The following ARGLU1 variants were observed in gnomAD, a reference collection of about 807,000 sequenced individuals.
ARGLU1 encodes arginine and glutamate-rich protein 1.
In ARGLU1, 9 loss-of-function variants were observed where a neutral mutation model predicts 37.6. The ratio of observed to expected loss-of-function variants is 0.24; its 90% CI spans 0.14 to 0.42. The LOEUF is 0.42. Among genes scored for constraint, ARGLU1 ranks in the 10% least tolerant of loss-of-function variants. The probability of loss-of-function intolerance (pLI) is 1.00; values close to 1 mark genes in which losing one functional copy is unlikely to be tolerated. For missense variants in ARGLU1, 211 were observed against 359.2 expected (o/e 0.59, Z 3.34); for synonymous variants, 166 against 138.5 (o/e 1.20, Z -1.39).
At chr13:106,555,692 A>C (rs180866833) in intron 3 of ARGLU1, among the ~76,000 whole-genome samples, 1 of 152,178 alleles carries the variant, frequency 6.6e-6, no homozygotes, top group South Asian at 2.1e-4. Context: ...ACCGAAAGTC[A>C]TATTTTTTAT....
At chr13:106,563,366 T>C (rs1313310090) in intron 1 of ARGLU1, among the ~76,000 whole-genome samples, 1 of 152,178 alleles carries the variant, frequency 6.6e-6, no homozygotes, top group Admixed American at 6.5e-5. Context: ...ACACTGGATG[T>C]TGCTGAGCTG....
At chr13:106,561,956 C>T (rs1006009523) in intron 1 of ARGLU1, 3 of 152,224 alleles carry the variant, frequency 2.0e-5, no homozygotes, top group Admixed American at 1.3e-4. Flanking sequence ...GGAGTCAATT[C>T]TAACTACAGC....
At chr13:106,559,687 G>A (rs200972418) in intron 1 of ARGLU1, 30 bp from the exon 2 acceptor site, 11 of 1,583,850 alleles carry the variant, frequency 6.9e-6, no homozygotes, top group Non-Finnish European at 8.6e-6. Context: ...AAACAAGTTA[G>A]GTATTTACTT....
Position 106,567,694 on chromosome 13 carries a change from A to G in ARGLU1, c.226T>C (p.Ser76Pro). 6.2e-7 allele frequency: 1 copy of G among 1,604,752 alleles called. No individual in the cohort carries two copies. Among genetic ancestry groups the G allele is most frequent in the Non-Finnish European group, 8.5e-7 (1 of 1,175,418 alleles). ...SRRERDRERA[S>P]SPPDRIDIFG... The stretch of plus-strand genomic sequence containing the variant: ...ATGTCGATGCGGTCGGGCGGGGACG[A>G]GGCGCGCTCCCGGTCCCGCTCGCGC... Residue 76 changes from serine to proline, a missense_variant, in exon 1 of 4, where the codon TCG becomes CCG. This residue lies in a region of ARGLU1 where 130 missense variants were observed against 179.8 expected (regional missense o/e 0.72). Coordinates refer to ENST00000400198, the MANE Select transcript of ARGLU1 (RefSeq NM_018011.4). This position sits in a 1 kb window ranked among gnomAD's most constrained non-coding sequence, Gnocchi z 4.3.
chr13:106,554,614 C>T (rs879682669), intron 3 of ARGLU1, among the ~76,000 whole-genome samples: 6 of 152,138 alleles, frequency 3.9e-5, no homozygotes, highest in Non-Finnish European at 7.4e-5. Context: ...TGGCCGGGCG[C>T]GGTAGCTCAC....
intron 1 of ARGLU1, among the ~76,000 whole-genome samples, chr13:106,561,424 T>TACACACACAC (rs59373729): frequency 2.3e-4 from 34 of 147,966 alleles, no homozygotes; most frequent in African/African-American, 6.5e-4. Context: ...TAATAAAGTG[T>TACACACACAC]ACACACACAC....
intron 1 of ARGLU1, among the ~76,000 whole-genome samples, chr13:106,560,260 C>G (rs1426125599): frequency 6.6e-6 from 1 of 152,078 alleles, no homozygotes; most frequent in Non-Finnish European, 1.5e-5. Context: ...TGTTAATTTT[C>G]AATTAAAAGC....
At chr13:106,559,695 C>A in intron 1 of ARGLU1, 38 bp from the exon 2 acceptor site, 1 of 1,564,306 alleles carries the variant, frequency 6.4e-7, no homozygotes, top group Non-Finnish European at 8.6e-7. Flanking sequence ...TAGGTATTTA[C>A]TTTTAAAACT....
rs1269046218 is a variant in ARGLU1, at chr13:106,567,666, A to T, written c.254T>A (p.Phe85Tyr). 2 of 1,612,830 alleles carry T rather than the reference A, an allele frequency of 1.2e-6. No individual in the cohort carries two copies. The highest frequency in any genetic ancestry group is 1.7e-6 in the Non-Finnish European group (2 of 1,179,482). Residue 85 changes from phenylalanine to tyrosine, a missense_variant, in exon 1 of 4, where the codon TTC becomes TAC. Coordinates refer to ENST00000400198, the MANE Select transcript of ARGLU1 (RefSeq NM_018011.4). The surrounding 1 kb of genome is among the most constrained non-coding windows in gnomAD (Gnocchi z 4.3). ...GCTGCGCTTGCTCACCGTGCGCCCG[A>T]AGATGTCGATGCGGTCGGGCGGGGA... ...ASSPPDRIDI[F>Y]GRTVSKRSSL...
In ARGLU1 at chr13:106,567,952, G is replaced by A. The variant is rs762095590; in HGVS notation, c.-33C>T. The A allele has an allele frequency of 1.9e-6, 3 of 1,563,710 alleles. No individual in the cohort carries two copies. The highest frequency in any genetic ancestry group is 2.6e-6 in the Non-Finnish European group (3 of 1,166,836). On this transcript the variant is annotated 5_prime_UTR_variant, in exon 1 of 4. Transcript: ENST00000400198. The surrounding 1 kb of genome is among the most constrained non-coding windows in gnomAD (Gnocchi z 4.3). ...GGAGACGCTCTAACCGCTCGCCTCA[G>A]GCCCCTCACGCGGCCAGTTCCCCTC... is the stretch of plus-strand genomic sequence containing the variant.
In ARGLU1 at chr13:106,557,123, T is replaced by C; in HGVS notation, c.582A>G (p.Glu194=). Residue 194 remains glutamate (E), a synonymous_variant, in exon 3 of 4, where the codon GAA becomes GAG. Transcript: ENST00000400198. The surrounding 1 kb of genome is among the most constrained non-coding windows in gnomAD (Gnocchi z 5.0). ...LAAQKAREEE[E]RAKREELERI... is the part of the protein sequence containing the mutation. ...GCTCTAGCTCCTCACGTTTTGCACG[T>C]TCTTCCTCCTAAAGGGGAGGATATG... is the stretch of plus-strand genomic sequence containing the variant. 1 of 1,613,478 alleles carries C rather than the reference T, an allele frequency of 6.2e-7. No individual in the cohort carries two copies. The highest frequency in any genetic ancestry group is 2.2e-5 in the East Asian group (1 of 44,850).
chr13:106,557,184 TGATA>T lies in ARGLU1; in HGVS notation c.574-57_574-54del. ...AGAAAAACAAAATGTTTATTTTTAT[TGATA>T]AATATTTACTAATCTTCCTCTGAAC... is the stretch of plus-strand genomic sequence containing the variant. On this transcript the variant is annotated intron_variant, in intron 2 of 3. Transcript: ENST00000400198. The surrounding 1 kb of genome is among the most constrained non-coding windows in gnomAD (Gnocchi z 5.0). 1 of 1,439,162 alleles carries T rather than the reference TGATA, an allele frequency of 6.9e-7. No homozygotes were observed. The highest frequency in any genetic ancestry group is 9.7e-7 in the Non-Finnish European group (1 of 1,030,110). The allele number at this position is 1,439,162 out of a possible 1,614,324, so 89.1% of individuals were successfully genotyped here.
At chr13:106,549,238 C>T (rs1400403646) in intron 3 of ARGLU1, among the ~76,000 whole-genome samples, 2 of 152,204 alleles carry the variant, frequency 1.3e-5, no homozygotes, top group African/African-American at 4.8e-5. Flanking sequence ...TTTTAAAAAT[C>T]CATAGAAATA....
chr13:106,564,929 C>T (rs993443215), intron 1 of ARGLU1, among the ~76,000 whole-genome samples: 3 of 152,176 alleles, frequency 2.0e-5, no homozygotes, highest in African/African-American at 7.2e-5. Flanking sequence ...GTTGCAACAG[C>T]CACACTATAA....
chr13:106,554,480 T>TG (rs112591879), intron 3 of ARGLU1, among the ~76,000 whole-genome samples: 1 of 152,204 alleles, frequency 6.6e-6, no homozygotes, highest in Admixed American at 6.5e-5. Context: ...GCAATAAAAG[T>TG]GGAAGTGGGC....
chr13:106,546,266 T>C (rs772486936), intron 3 of ARGLU1, among the ~76,000 whole-genome samples: 2 of 152,222 alleles, frequency 1.3e-5, no homozygotes, highest in Non-Finnish European at 2.9e-5. Context: ...CACTCTTTCT[T>C]GTTCTCAAAT....
chr13:106,561,231 G>A (rs1035743415), intron 1 of ARGLU1, among the ~76,000 whole-genome samples: 9 of 152,032 alleles, frequency 5.9e-5, no homozygotes, highest in Admixed American at 2.0e-4. Flanking sequence ...GCATATAAAA[G>A]GAAACCAGAC....
rs1415071487 is a variant in ARGLU1 at position 106,543,991 on chromosome 13, G to C, written c.*5C>G. 6.3e-7 allele frequency: 1 copy of C among 1,580,320 alleles called. No homozygotes were observed. Among genetic ancestry groups the C allele is most frequent in the Non-Finnish European group, 8.5e-7 (1 of 1,169,602 alleles). On this transcript the variant is annotated 3_prime_UTR_variant, in exon 4 of 4. Coordinates refer to ENST00000400198, the MANE Select transcript of ARGLU1 (RefSeq NM_018011.4). ...TTTCTTTGTAAAAAGTTCAGAGTTT[G>C]CAATTTAATCCTGGGTTTTTAATGA...
intron 3 of ARGLU1, among the ~76,000 whole-genome samples, chr13:106,554,548 C>A (rs763378355): frequency 4.6e-5 from 7 of 152,142 alleles, no homozygotes; most frequent in Non-Finnish European, 4.4e-5. Flanking sequence ...ACAAAGAATA[C>A]CCTACTTTTC....
Sources: gnomAD v4.1 joint callset for allele counts (sites outside exome capture counted in the v4.1 genomes callset) on GRCh38, gnomAD v4.1.1 for gene constraint, gnomAD v4.1.1 regional missense constraint, Gnocchi (gnomAD v3.1) non-coding constraint, MANE v1.5 for transcripts, NCBI Gene and HGNC (gene_info 2026-07-23, HGNC 2026-07-21) for gene names.